Variants in KLHL8 observed in about 807,000 individuals in gnomAD.
KLHL8 encodes the protein kelch like family member 8, also known as kelch-like protein 8.
In KLHL8, 38 loss-of-function variants were observed where a neutral mutation model predicts 63.5. The observed-to-expected ratio is 0.60, with a 90% confidence interval of 0.46 to 0.78. The LOEUF is 0.78. KLHL8 is among the 30% of genes least tolerant of loss of function. The pLI is 0.00. For synonymous variants in KLHL8, 224 were observed against 254.3 expected, an observed-to-expected ratio of 0.88 and a Z score of 1.13; for missense variants, 566 against 752.4, an observed-to-expected ratio of 0.75 and a Z score of 2.90.
At chr4:87,239,453 C>G (rs1182301648) in intron 1 of KLHL8, among the ~76,000 whole-genome samples, 2 of 152,214 alleles carry the variant, frequency 1.3e-5, no homozygotes, top group Non-Finnish European at 2.9e-5. Flanking sequence ...GTACCTCTCT[C>G]CAAGCTTGGC....
chr4:87,231,215 G>T (rs1578412412), intron 1 of KLHL8, among the ~76,000 whole-genome samples: 2 of 152,148 alleles, frequency 1.3e-5, no homozygotes, highest in East Asian at 3.8e-4. Context: ...AGGGGAGTGA[G>T]CCTGGTCACC....
At chr4:87,209,386 A>T (rs1732295933) in intron 1 of KLHL8, among the ~76,000 whole-genome samples, 1 of 152,228 alleles carries the variant, frequency 6.6e-6, no homozygotes, top group South Asian at 2.1e-4. Context: ...AAGCAGACAG[A>T]AAGCTGATTC....
rs557688831 is a variant in KLHL8 at position 87,166,989 on chromosome 4, C to G, written c.1538-2910G>C. The G allele has an allele frequency of 6.2e-5, 12 of 193,410 alleles. No homozygotes were observed. The South Asian group carries it at 8.9e-4, about 14-fold the overall frequency. The allele number at this position is 193,410 out of a possible 1,614,324, so 12.0% of individuals were successfully genotyped here. A position where few individuals can be genotyped will look rare whatever the true frequency, so the allele number is the denominator to read the frequency against. ...CCGGCCAGATAAGACAAGCCCAAGA[C>G]GCTGCCCTTCTTGCTGCTGGGCAGT... On this transcript the variant is annotated intron_variant, in intron 8 of 9. Coordinates refer to ENST00000273963, the MANE Select transcript of KLHL8 (RefSeq NM_020803.5).
intron 1 of KLHL8, among the ~76,000 whole-genome samples, chr4:87,216,651 C>T (rs1732606440): frequency 6.6e-6 from 1 of 152,160 alleles, no homozygotes; most frequent in Non-Finnish European, 1.5e-5. Flanking sequence ...GTCCCTCCAA[C>T]CCTCTTCCAT....
At position 87,177,560 on chromosome 4, in the gene KLHL8, G is replaced by GCA. The variant is rs148227275; in HGVS notation, c.1097-694_1097-693dup. 1.5e-3 allele frequency among the ~76,000 whole-genome samples: 227 copies of GCA among 150,184 alleles called. 1 individual carries two copies. The highest frequency in any genetic ancestry group is 0.01 in the Middle Eastern group (3 of 286). On this transcript the variant is annotated intron_variant, in intron 5 of 9. Coordinates refer to ENST00000273963, the MANE Select transcript of KLHL8 (RefSeq NM_020803.5). ...AACTATATATATATATATAAACTGT[G>GCA]CACACACACACACACACTTACACAC...
At chr4:87,208,009 A>G (rs866929307) in intron 1 of KLHL8, 2 of 708,724 alleles carry the variant, frequency 2.8e-6, no homozygotes, top group Non-Finnish European at 2.6e-6. Context: ...CCACTTTGTC[A>G]AGATCATTTC....
intron 1 of KLHL8, among the ~76,000 whole-genome samples, chr4:87,238,626 A>G (rs1347997108): frequency 6.6e-6 from 1 of 152,256 alleles, no homozygotes; most frequent in Non-Finnish European, 1.5e-5. Context: ...GAAAATTGTT[A>G]ATTTTATTTA....
chr4:87,218,455 G>T (rs1321121008), intron 1 of KLHL8, among the ~76,000 whole-genome samples: 1 of 152,040 alleles, frequency 6.6e-6, no homozygotes, highest in African/African-American at 2.4e-5. Flanking sequence ...CTGACCTCTT[G>T]ATCCGCCCGC....
intron 2 of KLHL8, among the ~76,000 whole-genome samples, chr4:87,190,033 C>CAAAAAAAA (rs35607781): frequency 2.6e-5 from 2 of 76,760 alleles, no homozygotes; most frequent in Non-Finnish European, 4.6e-5. Flanking sequence ...GCCTCCATCT[C>CAAAAAAAA]AAAAAAAAAA....
intron 8 of KLHL8, among the ~76,000 whole-genome samples, chr4:87,165,567 T>A (rs890383965): frequency 6.6e-6 from 1 of 151,788 alleles, no homozygotes; most frequent in Non-Finnish European, 1.5e-5. Flanking sequence ...CTAATTTTTT[T>A]TTTTTTTAAA....
At chr4:87,216,220 A>T (rs1222695056) in intron 1 of KLHL8, among the ~76,000 whole-genome samples, 3 of 152,216 alleles carry the variant, frequency 2.0e-5, no homozygotes, top group Non-Finnish European at 4.4e-5. Flanking sequence ...TACCACTTCC[A>T]GGTAGAAGTA....
intron 1 of KLHL8, among the ~76,000 whole-genome samples, chr4:87,200,987 TACA>T (rs1245224889): frequency 6.6e-6 from 1 of 152,178 alleles, no homozygotes; most frequent in East Asian, 1.9e-4. Flanking sequence ...TGTCATATGC[TACA>T]ACATGGATGA....
chr4:87,178,160 T>C (rs957172313), intron 5 of KLHL8, among the ~76,000 whole-genome samples: 1 of 152,204 alleles, frequency 6.6e-6, no homozygotes, highest in African/African-American at 2.4e-5. Context: ...TCATTAATTT[T>C]AATTAGATGG....
At chr4:87,229,215 T>TA (rs1733088941) in intron 1 of KLHL8, among the ~76,000 whole-genome samples, 1 of 152,162 alleles carries the variant, frequency 6.6e-6, no homozygotes, top group African/African-American at 2.4e-5. Context: ...GATATATGCC[T>TA]ACTTGGTAGA....
At chr4:87,215,712 T>A (rs1343491168) in intron 1 of KLHL8, among the ~76,000 whole-genome samples, 1 of 152,188 alleles carries the variant, frequency 6.6e-6, no homozygotes, top group Non-Finnish European at 1.5e-5. Flanking sequence ...CTTATAAGAA[T>A]AAACTCAGAT....
At chr4:87,223,492 A>G (rs1255220227), upstream of KLHL8, among the ~76,000 whole-genome samples, 3 of 152,172 alleles carry the variant, frequency 2.0e-5, no homozygotes, top group African/African-American at 7.2e-5. Flanking sequence ...GGAAATACGC[A>G]GTAGACAAAA....
intron 8 of KLHL8, among the ~76,000 whole-genome samples, chr4:87,169,130 C>T (rs1436580706): frequency 1.3e-5 from 2 of 151,798 alleles, no homozygotes; most frequent in African/African-American, 4.8e-5. Context: ...CACGATGAAA[C>T]CCTGTCTTTA....
At chr4:87,172,196 G>A (rs753901499) in intron 6 of KLHL8, among the ~76,000 whole-genome samples, 3 of 152,198 alleles carry the variant, frequency 2.0e-5, no homozygotes, top group Admixed American at 6.5e-5. Flanking sequence ...GCCATTGCTT[G>A]TTTGAAGGTG....
intron 6 of KLHL8, 38 bp from the exon 7 acceptor site, chr4:87,170,653 TGTTTCCAG>T: frequency 6.4e-7 from 1 of 1,563,474 alleles, no homozygotes; most frequent in Admixed American, 2.0e-5. Flanking sequence ...CAAATGAGTT[TGTTTCCAG>T]GAAAAAAAGT....
Sources: allele counts gnomAD v4.1 joint callset (sites outside exome capture counted in the v4.1 genomes callset), GRCh38; gene constraint gnomAD v4.1.1; transcripts MANE v1.5; gene names NCBI Gene and HGNC (gene_info 2026-07-23, HGNC 2026-07-21).